MMP10: variants seen among roughly 807,000 people sequenced by gnomAD.
MMP10 encodes stromelysin-2.
Under a neutral mutation model 49.1 loss-of-function variants are expected in MMP10, and 50 were observed. The observed-to-expected ratio is 1.02, with a 90% CI of 0.81 to 1.29. The LOEUF is 1.29. MMP10 is among the 50% of genes most tolerant of loss of function. The probability of loss-of-function intolerance (pLI) is 0.00; values close to 1 mark genes in which losing one functional copy is unlikely to be tolerated. For synonymous variants in MMP10, 229 were observed against 201.6 expected, an observed-to-expected ratio of 1.14 and a Z score of -1.15; for missense variants, 613 against 563.8, an observed-to-expected ratio of 1.09 and a Z score of -0.88.
chr11:102,775,815 C>T (rs1416628488), intron 6 of MMP10, among the ~76,000 whole-genome samples: 6 of 151,992 alleles, frequency 3.9e-5, no homozygotes, highest in African/African-American at 1.5e-4. Context: ...AGATACCACC[C>T]TGCTTCTAAG....
intron 7 of MMP10, among the ~76,000 whole-genome samples, chr11:102,773,351 G>A (rs1215586522): frequency 6.6e-6 from 1 of 152,158 alleles, no homozygotes; most frequent in African/African-American, 2.4e-5. Flanking sequence ...CATACCAATA[G>A]ATCAGTTGCT....
chr11:102,772,080 A>G lies in MMP10; in HGVS notation c.1262T>C (p.Phe421Ser). ...DENSQSMEQG[F>S]PRLIADDFPG... ...AAAGTCATCAGCTATTAGTCTAGGG[A>G]AGCCTTGCTCCATGGACTGGCTATT... is the stretch of plus-strand genomic sequence containing the variant. Residue 421 changes from phenylalanine to serine, a missense_variant, in exon 9 of 10, where the codon TTC (phenylalanine) becomes TCC (serine). Coordinates refer to ENST00000279441, the MANE Select transcript of MMP10 (RefSeq NM_002425.3). This position sits in a 1 kb window ranked among gnomAD's most constrained non-coding sequence, Gnocchi z 4.4. 6.2e-7 allele frequency: 1 copy of G among 1,613,728 alleles called. No individual in the cohort carries two copies. The highest frequency in any genetic ancestry group is 8.5e-7 in the Non-Finnish European group (1 of 1,179,724).
At chr11:102,778,123 C>A (rs1274217751) in intron 4 of MMP10, among the ~76,000 whole-genome samples, 2 of 152,140 alleles carry the variant, frequency 1.3e-5, no homozygotes, top group South Asian at 4.1e-4. Context: ...GCGAAAAAAA[C>A]CCATCTAAGC....
intron 6 of MMP10, 69 bp downstream of exon 6, chr11:102,776,211 T>C: frequency 1.4e-6 from 2 of 1,424,116 alleles, no homozygotes; most frequent in Non-Finnish European, 1.9e-6. Context: ...CTCTGTCAAG[T>C]TTCTGTTTTT....
rs1159786677 is a variant in MMP10, at chr11:102,776,768, A to G, written c.631T>C (p.Leu211=). 3.1e-6 allele frequency: 5 copies of G among 1,613,678 alleles called. No homozygotes were observed. The highest frequency in any genetic ancestry group is 4.2e-6 in the Non-Finnish European group (5 of 1,179,886). ...KWTEDASGTN[L]FLVAAHELGH... is the part of the protein sequence containing the mutation. ...AGTTCATGAGCAGCAACGAGGAATA[A>G]ATTGGTGCCTGTATGAAAATCATAA... Residue 211 remains leucine (L), a synonymous_variant, in exon 5 of 10, where the codon TTA becomes CTA. Transcript: ENST00000279441.
intron 1 of MMP10, 62 bp downstream of exon 1, chr11:102,780,424 TG>T (rs1857813013): frequency 1.5e-6 from 2 of 1,368,178 alleles, no homozygotes; most frequent in East Asian, 4.6e-5. Flanking sequence ...TGCTTTGTAT[TG>T]GAAGACCAAG....
chr11:102,776,404 C>T lies in MMP10; in HGVS notation c.808G>A (p.Glu270Lys), dbSNP rs1857734473. 1 of 1,613,622 alleles carries T rather than the reference C, an allele frequency of 6.2e-7. No individual in the cohort carries two copies. Among genetic ancestry groups the T allele is most frequent in the African/African-American group, 1.3e-5 (1 of 74,830 alleles). The change falls in exon 6 of 10, where the codon GAG (glutamate) becomes AAG (lysine). Residue 270 changes from glutamate (E) to lysine (K), a missense_variant. Physicochemically the swap from Glu to Lys is moderately conservative, Grantham distance 56. Coordinates refer to ENST00000279441, the MANE Select transcript of MMP10 (RefSeq NM_002425.3). ...SLYGPPPAST[E>K]EPLVPTKSVP... is the part of the protein sequence containing the mutation. ...GATTTTGTGGGCACCAGGGGTTCCT[C>T]AGTAGAGGCAGGGGGAGGTCCTAAA...
intron 1 of MMP10, 36 bp from the exon 2 acceptor site, chr11:102,779,781 A>G (rs1565456101): frequency 6.3e-7 from 1 of 1,580,674 alleles, no homozygotes; most frequent in Non-Finnish European, 8.6e-7. Context: ...CATTTTTGTG[A>G]TTTTCCATCA....
Position 102,777,576 on chromosome 11 carries a change from T to C in MMP10, c.623-800A>G, listed in dbSNP as rs945208458. Reference sequence around the variant, plus strand: ...TGGCCATAATCAAATAATTTTTGATTGTCAAAAATCTTCCCAGTAATAGGT... The same window carrying C: ...TGGCCATAATCAAATAATTTTTGATCGTCAAAAATCTTCCCAGTAATAGGT... On this transcript the variant is annotated intron_variant, in intron 4 of 9. Coordinates refer to ENST00000279441, the MANE Select transcript of MMP10 (RefSeq NM_002425.3). Among the ~76,000 whole-genome samples the C allele has an allele frequency of 8.5e-5, 13 of 152,248 alleles. No individual in the cohort carries two copies. In the East Asian group the frequency reaches 2.5e-3, roughly 29 times the overall value.
At chr11:102,778,255 C>G (rs1360147724) in intron 4 of MMP10, among the ~76,000 whole-genome samples, 1 of 151,964 alleles carries the variant, frequency 6.6e-6, no homozygotes, top group Non-Finnish European at 1.5e-5. Flanking sequence ...GAAAGAAAAC[C>G]TGAGGGCAAA....
At position 102,772,166 on chromosome 11, in the gene MMP10, C is replaced by T. The variant is rs1176964428; in HGVS notation, c.1227-51G>A. On this transcript the variant is annotated intron_variant, in intron 8 of 9. Transcript: ENST00000279441. This position sits in a 1 kb window ranked among gnomAD's most constrained non-coding sequence, Gnocchi z 4.4. ...TCAATGATGTGCAGTAGTCCCATTACACACAATAGTATAATGTGATGTTAA... is the reference window on the plus strand; with the variant it reads ...TCAATGATGTGCAGTAGTCCCATTATACACAATAGTATAATGTGATGTTAA... 2 of 1,117,946 alleles carry T rather than the reference C, an allele frequency of 1.8e-6. No individual in the cohort carries two copies. Among genetic ancestry groups the T allele is most frequent in the South Asian group, 1.3e-5 (1 of 78,672 alleles). The allele number at this position is 1,117,946 out of a possible 1,614,324, so 69.3% of individuals were successfully genotyped here.
chr11:102,779,105 T>C, intron 3 of MMP10, 108 bp downstream of exon 3: 1 of 1,480,446 alleles, frequency 6.8e-7, no homozygotes, highest in African/African-American at 1.4e-5. Flanking sequence ...CCTCCAGAAT[T>C]GTGAGCAATA....
rs1234033765 is a variant in MMP10 at position 102,772,427 on chromosome 11, A to G, written c.1227-312T>C. 2.0e-5 allele frequency among the ~76,000 whole-genome samples: 3 copies of G among 152,350 alleles called. No homozygotes were observed. The highest frequency in any genetic ancestry group is 2.1e-4 in the South Asian group (1 of 4,828). The stretch of plus-strand genomic sequence containing the variant: ...ATTTCCCTGTGTCTACTATAAATAC[A>G]TAAAGACTGTGTAGACATAATGAAT... On this transcript the variant is annotated intron_variant, in intron 8 of 9. Coordinates refer to ENST00000279441, the MANE Select transcript of MMP10 (RefSeq NM_002425.3). This position sits in a 1 kb window ranked among gnomAD's most constrained non-coding sequence, Gnocchi z 4.4.
In MMP10 at chr11:102,779,498, C is replaced by A; in HGVS notation, c.347+6G>T. Reference sequence around the variant, plus strand: ...ATATTATGTGAAAACTAATCTGAACCATTACCTGTATGTAAGGTGGGTTTT... The same window carrying A: ...ATATTATGTGAAAACTAATCTGAACAATTACCTGTATGTAAGGTGGGTTTT... On this transcript the variant is annotated splice_donor_region_variant and intron_variant, in intron 2 of 9. Coordinates refer to ENST00000279441, the MANE Select transcript of MMP10 (RefSeq NM_002425.3). 2.5e-6 allele frequency: 4 copies of A among 1,613,892 alleles called. No homozygotes were observed. The highest frequency in any genetic ancestry group is 2.5e-6 in the Non-Finnish European group (3 of 1,179,952).
In MMP10 at chr11:102,779,248, C is replaced by G. The variant is rs771335701; in HGVS notation, c.461G>C (p.Gly154Ala). ...AAAAGAGATCATTATATCAGCCTCT[C>G]CTTCATACAGCCTGGAGAATGTGAG... The part of the protein sequence containing the change: ...TPLTFSRLYE[G>A]EADIMISFAV... The change falls in exon 3 of 10, where the codon GGA becomes GCA. Residue 154 changes from glycine to alanine, a missense_variant. Physicochemically the swap from Gly to Ala is moderately conservative, Grantham distance 60. Coordinates refer to ENST00000279441, the MANE Select transcript of MMP10 (RefSeq NM_002425.3). 1.2e-6 allele frequency: 2 copies of G among 1,613,920 alleles called. No individual in the cohort carries two copies. The highest frequency in any genetic ancestry group is 4.5e-5 in the East Asian group (2 of 44,880).
chr11:102,775,235 T>C lies in MMP10; in HGVS notation c.1019A>G (p.Asp340Gly). The C allele has an allele frequency of 6.2e-7, 1 of 1,609,958 alleles. No individual in the cohort carries two copies. Among genetic ancestry groups the C allele is most frequent in the Non-Finnish European group, 8.5e-7 (1 of 1,177,610 alleles). ...CCTGCTGTTAACTTCATATGCAGCA[T>C]CCAAATATGATGGAAGAGAGGGCCA... is the stretch of plus-strand genomic sequence containing the variant. ...AFWPSLPSYL[D>G]AAYEVNSRDT... Residue 340 changes from aspartate to glycine, a missense_variant, in exon 7 of 10, where the codon GAT (aspartate) becomes GGT (glycine). Transcript: ENST00000279441.
At chr11:102,778,409 A>G (rs1352904887) in intron 4 of MMP10, among the ~76,000 whole-genome samples, 1 of 152,224 alleles carries the variant, frequency 6.6e-6, no homozygotes, top group Non-Finnish European at 1.5e-5. Flanking sequence ...GGTTTTTACA[A>G]TATTGTACTT....
Position 102,772,775 on chromosome 11 carries a change from GAAATATCCTTAAAGA to G in MMP10, c.1226+57_1226+71del. ...AGTTAGAGGGTGGGTGTAGGGTAGG[GAAATATCCTTAAAGA>G]AAGAAAATAATTTTCTTAATCAGGC... On this transcript the variant is annotated intron_variant, in intron 8 of 9. Transcript: ENST00000279441. This position sits in a 1 kb window ranked among gnomAD's most constrained non-coding sequence, Gnocchi z 4.4. 6.7e-7 allele frequency: 1 copy of G among 1,502,786 alleles called. No homozygotes were observed. The highest frequency in any genetic ancestry group is 9.0e-7 in the Non-Finnish European group (1 of 1,108,806). 93.1% of individuals were successfully genotyped at this position (1,502,786 alleles called of 1,614,324 possible). A position where few individuals can be genotyped will look rare whatever the true frequency, so the allele number is the denominator to read the frequency against.
Position 102,779,371 on chromosome 11 carries a change from A to G in MMP10, c.348-10T>C, listed in dbSNP as rs140080014. On this transcript the variant is annotated splice_polypyrimidine_tract_variant and intron_variant, in intron 2 of 9. Transcript: ENST00000279441. The stretch of plus-strand genomic sequence containing the variant: ...TGTATAATTCACAATCCTGGAGGAG[A>G]AAAATTGAAGAGGATGTTATTTTCT... 37 of 1,612,678 alleles carry G rather than the reference A, an allele frequency of 2.3e-5. No individual in the cohort carries two copies. In the African/African-American group the frequency reaches 4.5e-4, roughly 20 times the overall value.
Sources: gnomAD v4.1 joint callset for allele counts (sites outside exome capture counted in the v4.1 genomes callset) on GRCh38, gnomAD v4.1.1 for gene constraint, Gnocchi (gnomAD v3.1) non-coding constraint, MANE v1.5 for transcripts, NCBI Gene and HGNC (gene_info 2026-07-23, HGNC 2026-07-21) for gene names.